Variants in AMOTL1 observed in about 807,000 individuals in gnomAD.
The protein encoded by AMOTL1 is angiomotin-like protein 1.
A neutral mutation model predicts 102.9 loss-of-function variants in AMOTL1; 45 were observed. The observed-to-expected ratio is 0.44, with a 90% CI of 0.34 to 0.56. The LOEUF (loss-of-function observed/expected upper bound fraction) is 0.56. Among genes scored for constraint, AMOTL1 ranks in the 20% least tolerant of loss-of-function variants. AMOTL1 has a pLI of 0.01. For synonymous variants in AMOTL1, 481 were observed against 484.7 expected (o/e 0.99, Z 0.10); for missense variants, 1,114 against 1,225.6 (o/e 0.91, Z 1.36).
chr11:94,849,474 A>C (rs776759043), intron 6 of AMOTL1, among the ~76,000 whole-genome samples: 2 of 152,224 alleles, frequency 1.3e-5, no homozygotes, highest in Non-Finnish European at 2.9e-5. Context: ...CCATATGCAA[A>C]GAGAGGCAGT....
chr11:94,753,305 GC>G (rs1442297242), intron 3 of AMOTL1, among the ~76,000 whole-genome samples: 3,613 of 137,428 alleles, frequency 0.026, 145 homozygotes, highest in African/African-American at 0.079. Context: ...CTGCTTTCCT[GC>G]TTTTTTTTTT....
At chr11:94,744,833 A>G (rs1950571424) in intron 3 of AMOTL1, among the ~76,000 whole-genome samples, 1 of 152,224 alleles carries the variant, frequency 6.6e-6, no homozygotes, top group Non-Finnish European at 1.5e-5. Context: ...TGTAAAGCAC[A>G]CATAACAGAA....
rs1285278067 is a variant in AMOTL1 at position 94,823,659 on chromosome 11, C to T, written c.1413+1838C>T. ...TCCCATGGCTGTTTCTGAAGAGTTA[C>T]ACAAATGGTGCAGAAATTGGAGGCC... On this transcript the variant is annotated intron_variant, in intron 4 of 12. Coordinates refer to ENST00000433060, the MANE Select transcript of AMOTL1 (RefSeq NM_130847.3). 2.6e-5 allele frequency among the ~76,000 whole-genome samples: 4 copies of T among 151,942 alleles called. No individual in the cohort carries two copies. The East Asian group carries it at 5.8e-4, about 22-fold the overall frequency.
chr11:94,799,805 G>A lies in AMOTL1; in HGVS notation c.615G>A (p.Gln205=). ...AGTCGCAGTTCTTCAGGGGGCAGCA[G>A]CAGCAGCAACAGCAGCAGGGGGCGG... ...KAQSQFFRGQ[Q]QQQQQQGAVG... Residue 205 remains glutamine (Q), a synonymous_variant, in exon 3 of 13, where the codon CAG becomes CAA. Coordinates refer to ENST00000433060, the MANE Select transcript of AMOTL1 (RefSeq NM_130847.3). This position sits in a 1 kb window ranked among gnomAD's most constrained non-coding sequence, Gnocchi z 4.5. The A allele has an allele frequency of 6.3e-7, 1 of 1,599,894 alleles. No individual in the cohort carries two copies. Among genetic ancestry groups the A allele is most frequent in the African/African-American group, 1.3e-5 (1 of 74,770 alleles).
At chr11:94,715,691 C>T (rs1456209484) in intron 1 of AMOTL1, among the ~76,000 whole-genome samples, 1 of 152,042 alleles carries the variant, frequency 6.6e-6, no homozygotes, top group Non-Finnish European at 1.5e-5. Flanking sequence ...GTCCTTCTGG[C>T]CTTCATAGTT....
chr11:94,797,461 C>A (rs1419346147), intron 2 of AMOTL1, among the ~76,000 whole-genome samples: 1 of 152,126 alleles, frequency 6.6e-6, no homozygotes, highest in Admixed American at 6.5e-5. Context: ...TTTGGGGAGA[C>A]CCAGATGCGA....
chr11:94,865,512 A>G (rs1952862697), intron 10 of AMOTL1, among the ~76,000 whole-genome samples: 1 of 152,178 alleles, frequency 6.6e-6, no homozygotes, highest in South Asian at 2.1e-4. Flanking sequence ...CTACCAGAGA[A>G]CCTGTTCATC....
chr11:94,844,662 C>T (rs1306719457), intron 6 of AMOTL1, among the ~76,000 whole-genome samples: 1 of 152,188 alleles, frequency 6.6e-6, no homozygotes, highest in Admixed American at 6.5e-5. Context: ...AGCCTATTCC[C>T]ACAATAACCA....
Position 94,821,655 on chromosome 11 carries a change from G to A in AMOTL1, c.1247G>A (p.Gly416Asp). The stretch of plus-strand genomic sequence containing the variant: ...CCGCTTCCACTCCCGATGGCCCTGG[G>A]TGCTCCACAGCCCCCGCCTGCCGCC... ...SLPLPLPMALGAPQPPPAASP... is the reference protein window; with the variant it reads ...SLPLPLPMALDAPQPPPAASP... Residue 416 changes from glycine to aspartate, a missense_variant, in exon 4 of 13, where the codon GGT becomes GAT. Coordinates refer to ENST00000433060, the MANE Select transcript of AMOTL1 (RefSeq NM_130847.3). 6.2e-7 allele frequency: 1 copy of A among 1,613,906 alleles called. No homozygotes were observed. Among genetic ancestry groups the A allele is most frequent in the Non-Finnish European group, 8.5e-7 (1 of 1,179,878 alleles).
chr11:94,754,864 T>C (rs998009583), intron 3 of AMOTL1, among the ~76,000 whole-genome samples: 2 of 152,232 alleles, frequency 1.3e-5, no homozygotes, highest in African/African-American at 4.8e-5. Flanking sequence ...CACATAATAC[T>C]AAAATATTTT....
Position 94,821,837 on chromosome 11 carries a change from G to A in AMOTL1, c.1413+16G>A, listed in dbSNP as rs1206642311. On this transcript the variant is annotated intron_variant, in intron 4 of 12. Coordinates refer to ENST00000433060, the MANE Select transcript of AMOTL1 (RefSeq NM_130847.3). ...GCTCCACAAGGTGCGTGACTTCCCT[G>A]GGGAATGGGAGGGAGACAAATTCTT... 2 of 1,609,794 alleles carry A rather than the reference G, an allele frequency of 1.2e-6. No homozygotes were observed. Among genetic ancestry groups the A allele is most frequent in the Admixed American group, 3.3e-5 (2 of 59,870 alleles).
intron 8 of AMOTL1, among the ~76,000 whole-genome samples, chr11:94,857,572 A>T (rs1397107168): frequency 1.3e-5 from 2 of 149,908 alleles, no homozygotes; most frequent in African/African-American, 5.1e-5. Flanking sequence ...GAAAAAAGAT[A>T]AAAGAGAGAG....
At position 94,873,665 on chromosome 11, in the gene AMOTL1, CA is replaced by C. The variant is rs1438545201; in HGVS notation, c.*2873del. 1 of 152,156 alleles carries C rather than the reference CA, an allele frequency of 6.6e-6. No individual in the cohort carries two copies. The highest frequency in any genetic ancestry group is 2.4e-5 in the African/African-American group (1 of 41,418). 9.4% of individuals were successfully genotyped at this position (152,156 alleles called of 1,614,324 possible). On this transcript the variant is annotated 3_prime_UTR_variant, in exon 13 of 13. Coordinates refer to ENST00000433060, the MANE Select transcript of AMOTL1 (RefSeq NM_130847.3). Reference sequence around the variant, plus strand: ...CAGGAGAAGCTAGGATGATTTAAAACAAAGTTTGGAGAGGCACTGGGCATAG... The same window carrying C: ...CAGGAGAAGCTAGGATGATTTAAAACAAGTTTGGAGAGGCACTGGGCATAG...
intron 3 of AMOTL1, among the ~76,000 whole-genome samples, chr11:94,758,533 T>C (rs1288709781): frequency 6.6e-6 from 1 of 152,218 alleles, no homozygotes; most frequent in African/African-American, 2.4e-5. Context: ...GGGATAGTCA[T>C]AGATGGCGTG....
intron 1 of AMOTL1, among the ~76,000 whole-genome samples, chr11:94,709,268 A>C (rs1396386646): frequency 6.6e-6 from 1 of 152,196 alleles, no homozygotes; most frequent in Non-Finnish European, 1.5e-5. Context: ...GGTTCTATGA[A>C]GGTTTACATC....
At position 94,817,048 on chromosome 11, in the gene AMOTL1, A is replaced by C. The variant is rs530271226; in HGVS notation, c.1122-4482A>C. ...ACTCACTCCTTAATAAAAGGTTATAAAGATTATAAAAAGATTTATGGAAAT... is the reference window on the plus strand; with the variant it reads ...ACTCACTCCTTAATAAAAGGTTATACAGATTATAAAAAGATTTATGGAAAT... On this transcript the variant is annotated intron_variant, in intron 3 of 12. Coordinates refer to ENST00000433060, the MANE Select transcript of AMOTL1 (RefSeq NM_130847.3). Among the ~76,000 whole-genome samples, 292 of 152,326 alleles carry C rather than the reference A, an allele frequency of 1.9e-3. 3 individuals carry two copies. Among genetic ancestry groups the C allele is most frequent in the African/African-American group, 6.4e-3 (267 of 41,572 alleles).
chr11:94,849,530 C>T (rs1952486350), intron 6 of AMOTL1, among the ~76,000 whole-genome samples: 1 of 152,090 alleles, frequency 6.6e-6, no homozygotes, highest in South Asian at 2.1e-4. Flanking sequence ...AAGCAGTTTT[C>T]CTAAATCTAA....
chr11:94,725,881 A>C (rs190688501), intron 1 of AMOTL1, among the ~76,000 whole-genome samples: 2 of 152,298 alleles, frequency 1.3e-5, no homozygotes, highest in African/African-American at 4.8e-5. Flanking sequence ...GGAGTATTTT[A>C]ATCCAGAAGT....
At chr11:94,749,367 C>T (rs562140633) in intron 3 of AMOTL1, among the ~76,000 whole-genome samples, 3 of 152,290 alleles carry the variant, frequency 2.0e-5, no homozygotes, top group South Asian at 2.1e-4. Context: ...TCCATCCAGG[C>T]CCCCGGCCAA....
Sources: allele counts gnomAD v4.1 joint callset (sites outside exome capture counted in the v4.1 genomes callset), GRCh38; gene constraint gnomAD v4.1.1; non-coding constraint Gnocchi (gnomAD v3.1); transcripts MANE v1.5; gene names NCBI Gene and HGNC (gene_info 2026-07-23, HGNC 2026-07-21).